CDH8: variants seen among roughly 807,000 people sequenced by gnomAD.
CDH8 encodes cadherin 8.
Under a neutral mutation model 68.1 loss-of-function variants are expected in CDH8, and 17 were observed. That is an observed-to-expected ratio of 0.25 (90% CI 0.17 to 0.37). The LOEUF is 0.37. Ranked by LOEUF, CDH8 falls within the 10% of genes least tolerant of loss-of-function variation. CDH8 has a pLI of 1.00. For missense variants in CDH8, 763 were observed against 999.3 expected, an observed-to-expected ratio of 0.76 and a Z score of 3.19; for synonymous variants, 372 against 365.1, an observed-to-expected ratio of 1.02 and a Z score of -0.21.
intron 1 of CDH8, among the ~76,000 whole-genome samples, chr16:62,025,258 C>T (rs780059945): frequency 1.3e-5 from 2 of 152,112 alleles, no homozygotes; most frequent in Non-Finnish European, 2.9e-5. Flanking sequence ...TTATTATTTG[C>T]AGAATCACCC....
intron 3 of CDH8, among the ~76,000 whole-genome samples, chr16:61,863,482 T>C (rs1405615493): frequency 2.0e-5 from 3 of 152,144 alleles, no homozygotes; most frequent in Non-Finnish European, 4.4e-5. Flanking sequence ...AGCGAGGCTA[T>C]ACTTTTTTTT....
At chr16:61,710,574 A>T (rs990219508) in intron 10 of CDH8, among the ~76,000 whole-genome samples, 19 of 152,134 alleles carry the variant, frequency 1.2e-4, no homozygotes, top group African/African-American at 4.6e-4. Context: ...AAACATAACC[A>T]AACTATAACT....
At chr16:61,784,281 G>C (rs1961171539) in intron 8 of CDH8, among the ~76,000 whole-genome samples, 1 of 151,802 alleles carries the variant, frequency 6.6e-6, no homozygotes, top group Admixed American at 6.6e-5. Context: ...GGCAGGGGTT[G>C]CAATCCTAGT....
intron 2 of CDH8, among the ~76,000 whole-genome samples, chr16:62,013,261 C>CAAAAAAAA (rs1165564723): frequency 4.7e-4 from 3 of 6,398 alleles, no homozygotes; most frequent in Non-Finnish European, 5.0e-4. Flanking sequence ...GACTCCGTCT[C>CAAAAAAAA]AAAAAAAAAA....
At chr16:61,832,978 T>G (rs1962492924) in intron 4 of CDH8, among the ~76,000 whole-genome samples, 1 of 151,696 alleles carries the variant, frequency 6.6e-6, no homozygotes. Context: ...AGCACAGATC[T>G]GTGCTTAGAG....
intron 10 of CDH8, among the ~76,000 whole-genome samples, chr16:61,704,947 G>T (rs72796882): frequency 2.6e-5 from 4 of 152,022 alleles, no homozygotes; most frequent in Admixed American, 2.6e-4. Context: ...AAGGATGATT[G>T]TGCTCAGCAT....
chr16:61,674,968 A>G (rs111663572), intron 10 of CDH8, among the ~76,000 whole-genome samples: 5 of 151,840 alleles, frequency 3.3e-5, no homozygotes, highest in East Asian at 1.9e-4. Flanking sequence ...CAAAAAAACT[A>G]TGAGACAATA....
chr16:61,855,131 T>C (rs1488919861), intron 4 of CDH8, among the ~76,000 whole-genome samples: 1 of 152,116 alleles, frequency 6.6e-6, no homozygotes, highest in Non-Finnish European at 1.5e-5. Context: ...CATTACACTA[T>C]CCACGATAAT....
intron 2 of CDH8, among the ~76,000 whole-genome samples, chr16:61,976,848 G>A (rs1307590207): frequency 1.3e-5 from 2 of 152,154 alleles, no homozygotes; most frequent in Admixed American, 6.5e-5. Flanking sequence ...ATCCATGCTA[G>A]TGGTAACTTG....
Position 62,024,315 on chromosome 16 carries a change from G to A in CDH8, c.-199-2713C>T, listed in dbSNP as rs146683385. 2.6e-5 allele frequency among the ~76,000 whole-genome samples: 4 copies of A among 152,206 alleles called. No individual in the cohort carries two copies. In the East Asian group the frequency reaches 7.7e-4, roughly 29 times the overall value. Reference sequence around the variant, plus strand: ...ATAATAACACTGATCTGACAGGTTGGTTTTGAGGACTAAAGGAGATACTCA... The same window carrying A: ...ATAATAACACTGATCTGACAGGTTGATTTTGAGGACTAAAGGAGATACTCA... On this transcript the variant is annotated intron_variant, in intron 1 of 11. Coordinates refer to ENST00000577390, the MANE Select transcript of CDH8 (RefSeq NM_001796.5).
intron 10 of CDH8, among the ~76,000 whole-genome samples, chr16:61,689,760 A>G (rs1483852975): frequency 1.3e-5 from 2 of 152,032 alleles, no homozygotes; most frequent in African/African-American, 4.8e-5. Flanking sequence ...GTACAAGAAA[A>G]CATTTATTCA....
chr16:61,954,493 A>C (rs1005758247), intron 2 of CDH8, among the ~76,000 whole-genome samples: 36 of 152,232 alleles, frequency 2.4e-4, no homozygotes, highest in African/African-American at 8.4e-4. Flanking sequence ...CAAGGTCAGG[A>C]GATTGAGGCC....
At chr16:62,035,541 T>C (rs1902435564) in intron 1 of CDH8, among the ~76,000 whole-genome samples, 1 of 152,156 alleles carries the variant, frequency 6.6e-6, no homozygotes, top group African/African-American at 2.4e-5. Flanking sequence ...CAGCTGAGCC[T>C]TGGCCCGCAG....
intron 1 of CDH8, among the ~76,000 whole-genome samples, chr16:62,025,677 T>C (rs1902182856): frequency 6.6e-6 from 1 of 152,226 alleles, no homozygotes; most frequent in Non-Finnish European, 1.5e-5. Flanking sequence ...GTATTATTAC[T>C]TTAAATTTTA....
intron 8 of CDH8, among the ~76,000 whole-genome samples, chr16:61,779,428 T>TGTGTGTGC (rs1960986556): frequency 1.9e-5 from 2 of 105,672 alleles, no homozygotes; most frequent in African/African-American, 5.9e-5. Context: ...TTCGTTTATG[T>TGTGTGTGC]GTGTGTGTGT....
chr16:61,695,766 C>T (rs1964313498), intron 10 of CDH8, among the ~76,000 whole-genome samples: 1 of 152,164 alleles, frequency 6.6e-6, no homozygotes, highest in African/African-American at 2.4e-5. Flanking sequence ...CAATATTACT[C>T]TTGTCTTAGA....
At chr16:61,818,565 C>T (rs1430851800) in intron 6 of CDH8, among the ~76,000 whole-genome samples, 1 of 152,106 alleles carries the variant, frequency 6.6e-6, no homozygotes, top group Non-Finnish European at 1.5e-5. Flanking sequence ...ACTTCATTCC[C>T]TAAAACTCTG....
chr16:61,860,678 T>G (rs1372920218), intron 3 of CDH8, among the ~76,000 whole-genome samples: 1 of 152,034 alleles, frequency 6.6e-6, no homozygotes, highest in African/African-American at 2.4e-5. Context: ...TGATATTAAG[T>G]TAATGAATCT....
chr16:61,764,610 T>C (rs551868152), intron 8 of CDH8, among the ~76,000 whole-genome samples: 1 of 152,210 alleles, frequency 6.6e-6, no homozygotes, highest in East Asian at 1.9e-4. Flanking sequence ...TAGTCTCTCA[T>C]ATCATGAGTT....
Sources: gnomAD v4.1 joint callset for allele counts (sites outside exome capture counted in the v4.1 genomes callset) on GRCh38, gnomAD v4.1.1 for gene constraint, MANE v1.5 for transcripts, NCBI Gene and HGNC (gene_info 2026-07-23, HGNC 2026-07-21) for gene names.